The following ASIC2 variants were observed in gnomAD, a reference collection of about 807,000 sequenced individuals.
The protein encoded by ASIC2 is acid-sensing ion channel 2.
Under a neutral mutation model 57.3 loss-of-function variants are expected in ASIC2, and 25 were observed. The ratio of observed to expected loss-of-function variants is 0.44; its 90% CI spans 0.32 to 0.61. The LOEUF is 0.61. ASIC2 is among the 20% of genes least tolerant of loss of function. ASIC2 has a pLI of 0.06. For missense variants in ASIC2, 641 were observed against 738.1 expected (o/e 0.87, Z 1.52); for synonymous variants, 319 against 307.5 (o/e 1.04, Z -0.39).
At chr17:33,393,898 C>T (rs1006491061) in intron 1 of ASIC2, among the ~76,000 whole-genome samples, 2 of 152,288 alleles carry the variant, frequency 1.3e-5, no homozygotes, top group African/African-American at 2.4e-5. Flanking sequence ...GGGGACCATG[C>T]TTCTCAATTT....
At chr17:33,806,871 G>A (rs1395799110) in intron 1 of ASIC2, among the ~76,000 whole-genome samples, 3 of 152,218 alleles carry the variant, frequency 2.0e-5, no homozygotes, top group Non-Finnish European at 4.4e-5. Flanking sequence ...AACAGTGATA[G>A]CATCTGCAGA....
chr17:33,414,049 C>T (rs745306964), intron 1 of ASIC2, among the ~76,000 whole-genome samples: 14 of 152,164 alleles, frequency 9.2e-5, no homozygotes, highest in African/African-American at 1.7e-4. Context: ...TGCAGTAGCC[C>T]GAGAGTAGGT....
At chr17:33,534,169 G>A (rs1371953377) in intron 1 of ASIC2, 3 of 152,070 alleles carry the variant, frequency 2.0e-5, no homozygotes, top group East Asian at 1.9e-4. Flanking sequence ...GCTACTCATC[G>A]TAACAACACC....
At chr17:34,097,166 C>A (rs1254330052) in intron 1 of ASIC2, among the ~76,000 whole-genome samples, 1 of 152,160 alleles carries the variant, frequency 6.6e-6, no homozygotes, top group East Asian at 1.9e-4. Context: ...CATATTGAGG[C>A]CTCAGGATAT....
chr17:33,434,591 A>AT (rs910215995), intron 1 of ASIC2, among the ~76,000 whole-genome samples: 5 of 152,232 alleles, frequency 3.3e-5, no homozygotes, highest in Non-Finnish European at 2.9e-5. Flanking sequence ...CAATGCAAGG[A>AT]TTTTTTATCC....
At chr17:34,065,906 C>G (rs908724696) in intron 1 of ASIC2, among the ~76,000 whole-genome samples, 2 of 152,190 alleles carry the variant, frequency 1.3e-5, no homozygotes, top group Admixed American at 1.3e-4. Context: ...GCCAGCCCCT[C>G]TTCTAACACC....
At chr17:33,931,558 T>C (rs1053976082) in intron 1 of ASIC2, among the ~76,000 whole-genome samples, 2 of 152,214 alleles carry the variant, frequency 1.3e-5, no homozygotes, top group African/African-American at 4.8e-5. Context: ...TACCTCTAGC[T>C]TGATGCAAAG....
intron 1 of ASIC2, among the ~76,000 whole-genome samples, chr17:34,014,910 A>G (rs1388602792): frequency 2.1e-5 from 3 of 143,220 alleles, no homozygotes; most frequent in South Asian, 2.2e-4. Flanking sequence ...TTTTTTTCTG[A>G]GTCTTGCTCT....
intron 1 of ASIC2, among the ~76,000 whole-genome samples, chr17:33,781,902 T>C (rs2142129199): frequency 6.6e-6 from 1 of 152,290 alleles, no homozygotes; most frequent in Admixed American, 6.5e-5. Context: ...ATAACTTGAG[T>C]GCCTCCCATT....
chr17:33,545,733 T>C (rs1915556091), intron 1 of ASIC2, among the ~76,000 whole-genome samples: 1 of 152,200 alleles, frequency 6.6e-6, no homozygotes, highest in Admixed American at 6.5e-5. Context: ...CCCAGAGTAA[T>C]CTTGCTCCTA....
At chr17:33,918,020 C>G (rs1376378800) in intron 1 of ASIC2, among the ~76,000 whole-genome samples, 4 of 151,254 alleles carry the variant, frequency 2.6e-5, no homozygotes, top group Admixed American at 1.3e-4. Flanking sequence ...CATTCATTCC[C>G]AATCTGCCTT....
chr17:33,453,058 GT>G (rs1247243681), intron 1 of ASIC2, among the ~76,000 whole-genome samples: 1 of 152,120 alleles, frequency 6.6e-6, no homozygotes, highest in Non-Finnish European at 1.5e-5. Context: ...CTCTCCGAAG[GT>G]TGCTAACTTA....
intron 1 of ASIC2, among the ~76,000 whole-genome samples, chr17:33,414,482 G>T (rs1404014492): frequency 1.3e-5 from 2 of 152,180 alleles, no homozygotes; most frequent in South Asian, 2.1e-4. Context: ...TTGGCTAGTT[G>T]GCTGGGCAGT....
intron 1 of ASIC2, among the ~76,000 whole-genome samples, chr17:33,598,696 A>T (rs189978968): frequency 1.3e-5 from 2 of 152,286 alleles, no homozygotes; most frequent in East Asian, 3.9e-4. Context: ...TCTTGCATGT[A>T]TAGAGCCTAT....
chr17:33,414,295 G>T (rs918469510), intron 1 of ASIC2, among the ~76,000 whole-genome samples: 5 of 152,186 alleles, frequency 3.3e-5, no homozygotes, highest in Admixed American at 3.3e-4. Flanking sequence ...GGAGGGAGCA[G>T]TGCAGAGAGA....
At chr17:33,421,809 AG>A (rs1460006380) in intron 1 of ASIC2, among the ~76,000 whole-genome samples, 1 of 152,196 alleles carries the variant, frequency 6.6e-6, no homozygotes, top group Non-Finnish European at 1.5e-5. Flanking sequence ...TGCAAGGTCC[AG>A]GTTCCTTTGC....
intron 1 of ASIC2, among the ~76,000 whole-genome samples, chr17:33,135,304 C>T (rs2092363308): frequency 6.6e-6 from 1 of 152,150 alleles, no homozygotes; most frequent in African/African-American, 2.4e-5. Context: ...GAATACCCTG[C>T]CTAGAAAATA....
chr17:33,557,801 T>C (rs1254500442), intron 1 of ASIC2, among the ~76,000 whole-genome samples: 1 of 152,158 alleles, frequency 6.6e-6, no homozygotes, highest in Non-Finnish European at 1.5e-5. Context: ...TAAATATCCC[T>C]CCTAAAAATC....
At chr17:33,031,430 A>T (rs745641498) in intron 3 of ASIC2, among the ~76,000 whole-genome samples, 20 of 152,190 alleles carry the variant, frequency 1.3e-4, no homozygotes, top group Admixed American at 2.6e-4. Flanking sequence ...TAATTTCATT[A>T]TGTTTTGGTC....
Sources: allele counts gnomAD v4.1 joint callset (sites outside exome capture counted in the v4.1 genomes callset), GRCh38; gene constraint gnomAD v4.1.1; transcripts MANE v1.5; gene names NCBI Gene and HGNC (gene_info 2026-07-23, HGNC 2026-07-21).